Variants in KALRN observed in about 807,000 individuals in gnomAD.
The protein encoded by KALRN is kalirin RhoGEF kinase.
KALRN carries 70 observed loss-of-function variants against 353.7 expected under a neutral mutation model. That is an observed-to-expected ratio of 0.20 (90% CI 0.16 to 0.24). The LOEUF is 0.24. KALRN is among the 10% of genes least tolerant of loss of function. The probability of loss-of-function intolerance (pLI) is 1.00; values close to 1 mark genes in which losing one functional copy is unlikely to be tolerated. For synonymous variants in KALRN, 1,391 were observed against 1,434.8 expected (o/e 0.97, Z 0.69); for missense variants, 2,791 against 3,756.7 (o/e 0.74, Z 6.72).
chr3:124,400,580 G>T (rs188867793), intron 13 of KALRN, among the ~76,000 whole-genome samples: 13 of 152,320 alleles, frequency 8.5e-5, no homozygotes, highest in African/African-American at 3.1e-4. Flanking sequence ...AAAAATGCCA[G>T]TGGGAAAATA....
At chr3:124,114,141 G>A (rs1232546544) in intron 1 of KALRN, among the ~76,000 whole-genome samples, 1 of 152,212 alleles carries the variant, frequency 6.6e-6, no homozygotes, top group African/African-American at 2.4e-5. Flanking sequence ...TGGAAGAACA[G>A]TTATGTAGAG....
intron 10 of KALRN, among the ~76,000 whole-genome samples, chr3:124,366,786 C>T (rs2084770259): frequency 6.6e-6 from 1 of 151,708 alleles, no homozygotes; most frequent in Non-Finnish European, 1.5e-5. Flanking sequence ...GGCCGCCGGG[C>T]AGAGGCGCCC....
At chr3:124,694,200 A>G in intron 52 of KALRN, 132 bp from the exon 53 acceptor site, 1 of 809,422 alleles carries the variant, frequency 1.2e-6, no homozygotes, top group South Asian at 1.8e-5. Flanking sequence ...ATGACTCACC[A>G]GTGTTATACT....
chr3:124,346,040 T>C lies in KALRN; in HGVS notation c.1648-1103T>C, dbSNP rs560596361. 3.3e-5 allele frequency among the ~76,000 whole-genome samples: 5 copies of C among 152,302 alleles called. No homozygotes were observed. The South Asian group carries it at 1.0e-3, about 32-fold the overall frequency. On this transcript the variant is annotated intron_variant, in intron 9 of 59. Transcript: ENST00000682506. ...GGCTAGTACATCATTAATTAAATGT[T>C]TAGTTAATGGTTAATATTGCAGGCA...
chr3:124,546,345 TC>T (rs2069661160), intron 33 of KALRN, among the ~76,000 whole-genome samples: 2 of 150,306 alleles, frequency 1.3e-5, no homozygotes, highest in African/African-American at 2.4e-5. Context: ...TACCTTGTAG[TC>T]CCAGCTACTT....
intron 10 of KALRN, among the ~76,000 whole-genome samples, chr3:124,382,855 A>G (rs747994253): frequency 2.0e-5 from 3 of 152,154 alleles, no homozygotes; most frequent in Non-Finnish European, 4.4e-5. Context: ...CTACAGCCGT[A>G]GAGGTCTACC....
intron 1 of KALRN, among the ~76,000 whole-genome samples, chr3:124,190,704 T>C (rs1403056388): frequency 6.6e-6 from 1 of 152,170 alleles, no homozygotes; most frequent in Admixed American, 6.5e-5. Context: ...GTAGTTACAG[T>C]AGAGATAGGA....
intron 1 of KALRN, among the ~76,000 whole-genome samples, chr3:124,056,028 G>A (rs2041505766): frequency 6.6e-6 from 1 of 152,216 alleles, no homozygotes; most frequent in Non-Finnish European, 1.5e-5. Flanking sequence ...TGAATGGTGA[G>A]AGCCTTGTGA....
chr3:124,694,316 G>A lies in KALRN; in HGVS notation c.7406-16G>A. On this transcript the variant is annotated splice_polypyrimidine_tract_variant and intron_variant, in intron 52 of 59. Transcript: ENST00000682506. ...TTTGCTCTGAATGATGTTAATGTAT[G>A]TTGATTTGATCACAGTGGCCCCAGA... The A allele has an allele frequency of 1.2e-6, 2 of 1,612,398 alleles. No individual in the cohort carries two copies. Among genetic ancestry groups the A allele is most frequent in the Non-Finnish European group, 1.7e-6 (2 of 1,178,822 alleles).
chr3:124,464,850 A>G (rs1294351298), intron 25 of KALRN, among the ~76,000 whole-genome samples: 1 of 146,128 alleles, frequency 6.8e-6, no homozygotes, highest in African/African-American at 2.7e-5. Flanking sequence ...ACAGTAGGCA[A>G]TAGAACCAAA....
At position 124,576,159 on chromosome 3, in the gene KALRN, A is replaced by C. The variant is rs187407413; in HGVS notation, c.5182+13070A>C. ...CACCTGATTAGAGAGGTCTTCCCTA[A>C]CTCCCACCCTCTCCCATCACAGTGT... is the stretch of plus-strand genomic sequence containing the variant. On this transcript the variant is annotated intron_variant, in intron 34 of 59. Coordinates refer to ENST00000682506, the MANE Select transcript of KALRN (RefSeq NM_001388419.1). Among the ~76,000 whole-genome samples the C allele has an allele frequency of 2.1e-4, 32 of 149,514 alleles. No individual in the cohort carries two copies. In the East Asian group the frequency reaches 5.9e-3, roughly 28 times the overall value.
intron 1 of KALRN, among the ~76,000 whole-genome samples, chr3:124,087,457 T>C (rs139894302): frequency 1.0e-3 from 157 of 152,346 alleles, no homozygotes; most frequent in African/African-American, 3.8e-3. Flanking sequence ...TTTTGTCTTC[T>C]AGATGAAAGA....
chr3:124,338,457 T>G (rs2081354699), intron 9 of KALRN, among the ~76,000 whole-genome samples: 2 of 152,366 alleles, frequency 1.3e-5, no homozygotes, highest in Middle Eastern at 3.4e-3. Flanking sequence ...TGAGTGAGCT[T>G]CTTAATCCTG....
At position 124,671,728 on chromosome 3, in the gene KALRN, A is replaced by G; in HGVS notation, c.6772A>G (p.Arg2258Gly). 1 of 1,614,152 alleles carries G rather than the reference A, an allele frequency of 6.2e-7. No homozygotes were observed. Among genetic ancestry groups the G allele is most frequent in the Non-Finnish European group, 8.5e-7 (1 of 1,180,016 alleles). The change falls in exon 48 of 60, where the codon AGG becomes GGG. Residue 2258 changes from arginine to glycine, a missense_variant. Arg to Gly is a moderately radical substitution (Grantham distance 125). Coordinates refer to ENST00000682506, the MANE Select transcript of KALRN (RefSeq NM_001388419.1). ...STAVMRSQPARLPQASPRPYS... is the reference protein window; with the variant it reads ...STAVMRSQPAGLPQASPRPYS... ...AGCTGTGATGAGGTCTCAACCTGCC[A>G]GGCTTCCCCAAGCCAGCCCCAGGCC...
chr3:124,642,411 C>G (rs771453695), intron 37 of KALRN, among the ~76,000 whole-genome samples: 128 of 152,180 alleles, frequency 8.4e-4, no homozygotes, highest in Non-Finnish European at 1.4e-3. Flanking sequence ...CCTAGTGGAC[C>G]CTGGCTAATA....
chr3:124,240,044 A>G (rs1474264469), intron 3 of KALRN, among the ~76,000 whole-genome samples: 1 of 152,236 alleles, frequency 6.6e-6, no homozygotes, highest in Admixed American at 6.5e-5. Flanking sequence ...CTATGTATAA[A>G]TAGCTTATAA....
intron 34 of KALRN, chr3:124,584,519 C>T (rs1197578374): frequency 1.2e-6 from 1 of 851,114 alleles, no homozygotes. Flanking sequence ...GCCCCGTGCC[C>T]ACAGCGTTGG....
In KALRN at chr3:124,490,820, T is replaced by A; in HGVS notation, c.4523T>A (p.Val1508Asp). The part of the protein sequence containing the change: ...RHLFLFEISL[V>D]FSKEIKDSSG... ...TTGTTCCTCTTTGAGATCTCCTTGG[T>A]TTTTAGCAAGGAGATCAAAGATTCT... The change falls in exon 30 of 60, where the codon GTT (valine) becomes GAT (aspartate). Residue 1508 changes from valine (V) to aspartate (D), a missense_variant. Physicochemically the swap from Val to Asp is radical, Grantham distance 152 (BLOSUM62 -3). Coordinates refer to ENST00000682506, the MANE Select transcript of KALRN (RefSeq NM_001388419.1). 1 of 1,613,828 alleles carries A rather than the reference T, an allele frequency of 6.2e-7. No homozygotes were observed. The highest frequency in any genetic ancestry group is 8.5e-7 in the Non-Finnish European group (1 of 1,179,908).
At chr3:124,036,112 T>C (rs1225473058) in intron 1 of KALRN, among the ~76,000 whole-genome samples, 1 of 152,222 alleles carries the variant, frequency 6.6e-6, no homozygotes. Flanking sequence ...ATGGGTTATA[T>C]AGATAAACTG....
Sources: allele counts gnomAD v4.1 joint callset (sites outside exome capture counted in the v4.1 genomes callset), GRCh38; gene constraint gnomAD v4.1.1; transcripts MANE v1.5; gene names NCBI Gene and HGNC (gene_info 2026-07-23, HGNC 2026-07-21).